Variants in TJP1 observed in about 807,000 individuals in gnomAD.
TJP1 encodes tight junction protein 1, also known as tight junction protein ZO-1.
TJP1 carries 43 observed loss-of-function variants against 194.2 expected under a neutral mutation model. The ratio of observed to expected loss-of-function variants is 0.22; its 90% CI spans 0.17 to 0.29. TJP1 has a LOEUF of 0.29. Among genes scored for constraint, TJP1 ranks in the 10% least tolerant of loss-of-function variants. TJP1 has a pLI of 1.00. For missense variants in TJP1, 1,971 were observed against 2,185.7 expected, an observed-to-expected ratio of 0.90 and a Z score of 1.96; for synonymous variants, 801 against 779.0, an observed-to-expected ratio of 1.03 and a Z score of -0.47.
At chr15:29,858,221 C>T (rs879423093) in intron 2 of TJP1, among the ~76,000 whole-genome samples, 2 of 151,982 alleles carry the variant, frequency 1.3e-5, no homozygotes, top group South Asian at 4.1e-4. Flanking sequence ...GGCAACATGT[C>T]GAAACTTCGT....
chr15:29,845,750 G>A (rs1011329746), intron 2 of TJP1, among the ~76,000 whole-genome samples: 1 of 152,176 alleles, frequency 6.6e-6, no homozygotes, highest in Non-Finnish European at 1.5e-5. Context: ...CTTATAGTGA[G>A]CTGATATAGC....
chr15:29,968,288 G>A (rs1268488030), intron 1 of TJP1: 1 of 985,228 alleles, frequency 1.0e-6, no homozygotes, highest in African/African-American at 1.7e-5. Flanking sequence ...TTCTTCTGCT[G>A]TCTCCGCGAG....
chr15:29,929,993 CAATTCCAA>C (rs1261462747), intron 2 of TJP1, among the ~76,000 whole-genome samples: 1 of 151,990 alleles, frequency 6.6e-6, no homozygotes, highest in East Asian at 1.9e-4. Context: ...GAAAAGTGGA[CAATTCCAA>C]AAATAAGTAA....
chr15:29,832,809 A>G (rs1307161878), intron 2 of TJP1, among the ~76,000 whole-genome samples: 1 of 152,244 alleles, frequency 6.6e-6, no homozygotes, highest in Admixed American at 6.5e-5. Flanking sequence ...CCGCTGGTCA[A>G]CTATGACCAG....
In TJP1 at chr15:29,718,226, C is replaced by T. The variant is rs374930059; in HGVS notation, c.3876+40G>A. On this transcript the variant is annotated intron_variant, in intron 21 of 27. Transcript: ENST00000614355. ...GGGGAGAGCCAAGAAGCCTTTTAAA[C>T]GGTGTGCCCATGCATCCAAGGCACT... The T allele has an allele frequency of 3.5e-5, 56 of 1,597,440 alleles. No homozygotes were observed. In the Admixed American group the frequency reaches 5.8e-4, roughly 16 times the overall value.
rs376221797 is a variant in TJP1, at chr15:29,710,870, C to A, written c.4333G>T (p.Ala1445Ser). The change falls in exon 24 of 28, where the codon GCG becomes TCG. Residue 1445 changes from alanine to serine, a missense_variant. By Grantham distance (99) the Ala-to-Ser change is moderately conservative. Coordinates refer to ENST00000614355, the MANE Select transcript of TJP1 (RefSeq NM_001330239.4). ...YAQPSQPVTS[A>S]SLHIHSKGAH... Reference sequence around the variant, plus strand: ...CCCTTAGAATGTATGTGGAGAGACGCGCTGGTGACAGGCTGAGATGGCTGG... The same window carrying A: ...CCCTTAGAATGTATGTGGAGAGACGAGCTGGTGACAGGCTGAGATGGCTGG... 6.2e-7 allele frequency: 1 copy of A among 1,614,062 alleles called. No individual in the cohort carries two copies. The highest frequency in any genetic ancestry group is 1.1e-5 in the South Asian group (1 of 91,082).
chr15:29,922,070 C>A (rs192168367), intron 2 of TJP1, among the ~76,000 whole-genome samples: 86 of 152,252 alleles, frequency 5.6e-4, no homozygotes, highest in African/African-American at 2.0e-3. Context: ...CGGTCTCAAA[C>A]TCCTGACCTT....
intron 2 of TJP1, among the ~76,000 whole-genome samples, chr15:29,798,254 A>G (rs1330018044): frequency 1.4e-5 from 2 of 144,146 alleles, no homozygotes; most frequent in African/African-American, 5.1e-5. Context: ...TACAGGTGTG[A>G]GCCACTGTGC....
intron 2 of TJP1, among the ~76,000 whole-genome samples, chr15:29,839,177 T>C (rs1161660711): frequency 6.6e-6 from 1 of 151,752 alleles, no homozygotes; most frequent in Non-Finnish European, 1.5e-5. Context: ...CTTTTGTATT[T>C]TTACTAGAGA....
chr15:29,760,324 C>T (rs1202769769), intron 8 of TJP1: 26 of 698,730 alleles, frequency 3.7e-5, no homozygotes, highest in Non-Finnish European at 6.0e-5. Context: ...GAAAGATAAA[C>T]TCAGGTAGGT....
At chr15:29,920,651 C>T (rs965994587) in intron 2 of TJP1, among the ~76,000 whole-genome samples, 1 of 152,104 alleles carries the variant, frequency 6.6e-6, no homozygotes, top group South Asian at 2.1e-4. Context: ...ATCTGCGGGG[C>T]GAAGGTGCTG....
chr15:29,709,082 A>G (rs1449993760), intron 24 of TJP1, 46 bp from the exon 25 acceptor site: 12 of 1,543,818 alleles, frequency 7.8e-6, no homozygotes, highest in South Asian at 2.4e-5. Flanking sequence ...GAAAAAAGTT[A>G]TAATAGCCCT....
intron 2 of TJP1, among the ~76,000 whole-genome samples, chr15:29,924,716 G>A (rs2054471843): frequency 6.6e-6 from 1 of 152,142 alleles, no homozygotes; most frequent in Admixed American, 6.5e-5. Flanking sequence ...TGGGGATGGG[G>A]TGGGCTAATG....
intron 8 of TJP1, among the ~76,000 whole-genome samples, chr15:29,745,801 A>G (rs1459765553): frequency 1.3e-5 from 2 of 152,220 alleles, no homozygotes; most frequent in African/African-American, 4.8e-5. Context: ...AATAAACTGG[A>G]TGTTCACCTT....
At chr15:29,931,366 T>A (rs1356463504) in intron 2 of TJP1, among the ~76,000 whole-genome samples, 1 of 152,130 alleles carries the variant, frequency 6.6e-6, no homozygotes, top group Non-Finnish European at 1.5e-5. Flanking sequence ...AAGGGTCAAC[T>A]GTAAGTCATG....
chr15:29,870,640 C>T (rs1596147986), intron 2 of TJP1, among the ~76,000 whole-genome samples: 1 of 152,084 alleles, frequency 6.6e-6, no homozygotes, highest in Admixed American at 6.5e-5. Context: ...TGAGTGTTGA[C>T]CTAAAAGGGA....
Position 29,732,587 on chromosome 15 carries a change from T to C in TJP1, c.1921+44A>G, listed in dbSNP as rs758013041. 1.7e-5 allele frequency: 28 copies of C among 1,612,102 alleles called. No homozygotes were observed. The African/African-American group carries it at 3.1e-4, about 18-fold the overall frequency. On this transcript the variant is annotated intron_variant, in intron 14 of 27. Coordinates refer to ENST00000614355, the MANE Select transcript of TJP1 (RefSeq NM_001330239.4). ...TTATACCTTTTCTTTCTTAAACATATTGACGTTAAAGGGTATTAGGTTAGT... is the reference window on the plus strand; with the variant it reads ...TTATACCTTTTCTTTCTTAAACATACTGACGTTAAAGGGTATTAGGTTAGT...
chr15:29,955,400 A>C (rs552507867), intron 2 of TJP1, among the ~76,000 whole-genome samples: 1 of 152,302 alleles, frequency 6.6e-6, no homozygotes, highest in South Asian at 2.1e-4. Flanking sequence ...TTTTTATTCA[A>C]GTGGGGCCTG....
At chr15:29,732,876 C>A in intron 13 of TJP1, 61 bp from the exon 14 acceptor site, 1 of 1,453,938 alleles carries the variant, frequency 6.9e-7, no homozygotes, top group South Asian at 1.4e-5. Context: ...GAAAAAGACC[C>A]ACAATGAAAT....
Sources: gnomAD v4.1 joint callset for allele counts (sites outside exome capture counted in the v4.1 genomes callset) on GRCh38, gnomAD v4.1.1 for gene constraint, MANE v1.5 for transcripts, NCBI Gene and HGNC (gene_info 2026-07-23, HGNC 2026-07-21) for gene names.